Variants in CNTN4 observed in about 807,000 individuals in gnomAD.
CNTN4 encodes the protein contactin-4.
A neutral mutation model predicts 122.5 loss-of-function variants in CNTN4; 77 were observed. The ratio of observed to expected loss-of-function variants is 0.63; its 90% CI spans 0.52 to 0.76. CNTN4 has a LOEUF of 0.76. CNTN4 is among the 30% of genes least tolerant of loss of function. CNTN4 has a pLI of 0.00. For synonymous variants in CNTN4, 512 were observed against 447.0 expected, an observed-to-expected ratio of 1.15 and a Z score of -1.83; for missense variants, 1,256 against 1,259.1, an observed-to-expected ratio of 1.00 and a Z score of 0.04.
intron 2 of CNTN4, among the ~76,000 whole-genome samples, chr3:2,147,969 A>G (rs1463769369): frequency 6.6e-6 from 1 of 152,106 alleles, no homozygotes; most frequent in Non-Finnish European, 1.5e-5. Context: ...TGACTCTTCT[A>G]ATTGATTCTC....
At chr3:2,423,479 T>C (rs569153811) in intron 3 of CNTN4, among the ~76,000 whole-genome samples, 1 of 151,084 alleles carries the variant, frequency 6.6e-6, no homozygotes, top group Admixed American at 6.6e-5. Context: ...GGTGAAAACT[T>C]GTTTTTTTTT....
chr3:2,294,288 C>CTTTTTTTTTTT (rs71058604), intron 2 of CNTN4, among the ~76,000 whole-genome samples: 1,770 of 135,364 alleles, frequency 0.013, 63 homozygotes, highest in African/African-American at 0.046. Context: ...AGAGTTGTGA[C>CTTTTTTTTTTT]TTTTTTTTTT....
intron 3 of CNTN4, among the ~76,000 whole-genome samples, chr3:2,503,773 C>A (rs1164719692): frequency 6.6e-6 from 1 of 151,964 alleles, no homozygotes; most frequent in Non-Finnish European, 1.5e-5. Context: ...GGAAAAATAG[C>A]ATGGATTTTT....
intron 3 of CNTN4, among the ~76,000 whole-genome samples, chr3:2,529,612 C>G (rs531795725): frequency 7.9e-5 from 12 of 152,226 alleles, no homozygotes; most frequent in African/African-American, 2.4e-4. Flanking sequence ...GCCTATCTGT[C>G]AAGAAATCAA....
intron 2 of CNTN4, among the ~76,000 whole-genome samples, chr3:2,305,894 G>A (rs940093696): frequency 2.0e-5 from 3 of 152,100 alleles, no homozygotes; most frequent in African/African-American, 4.8e-5. Context: ...TATATGTAGA[G>A]TTTTGTGTCT....
chr3:2,799,281 T>C (rs2092288127), intron 6 of CNTN4, among the ~76,000 whole-genome samples: 1 of 152,186 alleles, frequency 6.6e-6, no homozygotes, highest in Admixed American at 6.5e-5. Context: ...CCTTCTATTC[T>C]TCAGATTGTC....
intron 2 of CNTN4, among the ~76,000 whole-genome samples, chr3:2,137,162 C>T (rs758084038): frequency 3.3e-5 from 5 of 152,190 alleles, no homozygotes; most frequent in Non-Finnish European, 7.4e-5. Context: ...AAAACTCTGG[C>T]CCTCATTTAA....
chr3:2,658,553 T>A (rs914234682), intron 4 of CNTN4, among the ~76,000 whole-genome samples: 26 of 152,242 alleles, frequency 1.7e-4, no homozygotes, highest in Non-Finnish European at 2.9e-4. Flanking sequence ...TCCATCTATG[T>A]TGTGTTGTTA....
chr3:2,707,523 A>G lies in CNTN4; in HGVS notation c.56-28692A>G, dbSNP rs550214096. Among the ~76,000 whole-genome samples, 14 of 152,310 alleles carry G rather than the reference A, an allele frequency of 9.2e-5. 1 individual carries two copies. The South Asian group carries it at 2.5e-3, about 27-fold the overall frequency. ...GTGTACATCTGCTTTTCAAATTGAA[A>G]GTCCCCTAATATTGCTAACACACTA... On this transcript the variant is annotated intron_variant, in intron 4 of 24. Coordinates refer to ENST00000418658, the MANE Select transcript of CNTN4 (RefSeq NM_175607.3).
At chr3:2,808,012 G>A (rs1401210318) in intron 6 of CNTN4, among the ~76,000 whole-genome samples, 3 of 152,240 alleles carry the variant, frequency 2.0e-5, no homozygotes, top group South Asian at 2.1e-4. Flanking sequence ...CTGAGACATC[G>A]TATCCACTAC....
chr3:2,841,244 A>G lies in CNTN4; in HGVS notation c.454+21663A>G, dbSNP rs1262050307. 6.6e-6 allele frequency among the ~76,000 whole-genome samples: 1 copy of G among 152,184 alleles called. No homozygotes were observed. The highest frequency in any genetic ancestry group is 6.5e-5 in the Admixed American group (1 of 15,282). On this transcript the variant is annotated intron_variant, in intron 7 of 24. Coordinates refer to ENST00000418658, the MANE Select transcript of CNTN4 (RefSeq NM_175607.3). This position sits in a 1 kb window ranked among gnomAD's most constrained non-coding sequence, Gnocchi z 4.8. ...TACAGCTGGGTGGATTTTAACTTTT[A>G]ACCCAGTTTTTCAGATGTGTTAATA...
chr3:2,781,017 A>C (rs1468563938), intron 6 of CNTN4, among the ~76,000 whole-genome samples: 1 of 152,176 alleles, frequency 6.6e-6, no homozygotes, highest in East Asian at 1.9e-4. Context: ...CAAATCAACT[A>C]TGGTCCTGCC....
At chr3:2,697,303 G>A (rs2086095472) in intron 4 of CNTN4, among the ~76,000 whole-genome samples, 1 of 152,180 alleles carries the variant, frequency 6.6e-6, no homozygotes, top group Non-Finnish European at 1.5e-5. Context: ...TGTTTCTCCT[G>A]CTTTTGCAAT....
chr3:3,043,609 G>A lies in CNTN4; in HGVS notation c.2716G>A (p.Gly906Arg), dbSNP rs371362562. ...TRKPPPSQPP[G>R]NIIWNSSDSK... ...TTTTATAGCACCAAGTCAACCCCCC[G>A]GAAACATCATATGGAATTCATCAGA... The change falls in exon 23 of 25, where the codon GGA (glycine) becomes AGA (arginine). Residue 906 changes from glycine to arginine, a missense_variant. Coordinates refer to ENST00000418658, the MANE Select transcript of CNTN4 (RefSeq NM_175607.3). 58 of 1,613,554 alleles carry A rather than the reference G, an allele frequency of 3.6e-5. No homozygotes were observed. Among genetic ancestry groups the A allele is most frequent in the Admixed American group, 1.5e-4 (9 of 59,998 alleles).
chr3:2,221,547 T>G (rs1047348019), intron 2 of CNTN4, among the ~76,000 whole-genome samples: 3 of 146,414 alleles, frequency 2.0e-5, no homozygotes, highest in African/African-American at 7.7e-5. Flanking sequence ...AAAGATAGAT[T>G]GCACTTTATC....
At chr3:2,352,912 T>G (rs1340350695) in intron 3 of CNTN4, among the ~76,000 whole-genome samples, 1 of 152,138 alleles carries the variant, frequency 6.6e-6, no homozygotes, top group African/African-American at 2.4e-5. Flanking sequence ...TGTGTCTAGC[T>G]GAAGGTTTGT....
chr3:2,599,978 C>T (rs1252039075), intron 4 of CNTN4, among the ~76,000 whole-genome samples: 2 of 135,046 alleles, frequency 1.5e-5, no homozygotes, highest in Non-Finnish European at 3.4e-5. Context: ...GGGATTCTAC[C>T]CCAACTCTAT....
intron 8 of CNTN4, among the ~76,000 whole-genome samples, chr3:2,871,236 G>A (rs918550655): frequency 6.6e-6 from 1 of 152,156 alleles, no homozygotes; most frequent in Non-Finnish European, 1.5e-5. Context: ...ACCTCAGATA[G>A]TTATTTTATG....
At chr3:2,144,456 C>G (rs761806616) in intron 2 of CNTN4, among the ~76,000 whole-genome samples, 5 of 152,130 alleles carry the variant, frequency 3.3e-5, no homozygotes, top group Admixed American at 6.6e-5. Context: ...AAGACAAGCA[C>G]TAGAGTGAAG....
Sources: allele counts gnomAD v4.1 joint callset (sites outside exome capture counted in the v4.1 genomes callset), GRCh38; gene constraint gnomAD v4.1.1; non-coding constraint Gnocchi (gnomAD v3.1); transcripts MANE v1.5; gene names NCBI Gene and HGNC (gene_info 2026-07-23, HGNC 2026-07-21).